PRIMA1: variants seen among roughly 807,000 people sequenced by gnomAD.
PRIMA1 encodes proline-rich membrane anchor 1.
PRIMA1 carries 7 observed loss-of-function variants against 17.5 expected under a neutral mutation model. The ratio of observed to expected loss-of-function variants is 0.40; its 90% CI spans 0.23 to 0.75. PRIMA1 has a LOEUF of 0.75. Ranked by LOEUF, PRIMA1 falls within the 30% of genes least tolerant of loss-of-function variation. The pLI is 0.37. For missense variants in PRIMA1, 200 were observed against 201.8 expected (o/e 0.99, Z 0.05); for synonymous variants, 97 against 77.9 (o/e 1.25, Z -1.29).
At chr14:93,737,963 G>A (rs2076161963) in intron 3 of PRIMA1, among the ~76,000 whole-genome samples, 1 of 152,226 alleles carries the variant, frequency 6.6e-6, no homozygotes, top group South Asian at 2.1e-4. Flanking sequence ...TGGGGAGCGG[G>A]GCTCACAGGG....
chr14:93,728,090 C>T (rs1036043755), intron 4 of PRIMA1, among the ~76,000 whole-genome samples: 2 of 152,204 alleles, frequency 1.3e-5, no homozygotes, highest in African/African-American at 2.4e-5. Context: ...CCCCCTCCCC[C>T]GGACTCCCCA....
At chr14:93,751,056 T>C (rs1405201647) in intron 3 of PRIMA1, among the ~76,000 whole-genome samples, 2 of 152,340 alleles carry the variant, frequency 1.3e-5, no homozygotes, top group South Asian at 2.1e-4. Context: ...CAACATTCCC[T>C]GGAAGGCTCG....
chr14:93,750,914 T>A (rs2076255445), intron 3 of PRIMA1, among the ~76,000 whole-genome samples: 1 of 152,074 alleles, frequency 6.6e-6, no homozygotes, highest in Non-Finnish European at 1.5e-5. Context: ...GACAATGTGG[T>A]CAGAAAGCAA....
chr14:93,771,995 C>T (rs567701563), intron 3 of PRIMA1, among the ~76,000 whole-genome samples: 1 of 152,322 alleles, frequency 6.6e-6, no homozygotes, highest in Admixed American at 6.5e-5. Flanking sequence ...CCTCTCTGAA[C>T]CTCTGAGCTC....
intron 4 of PRIMA1, among the ~76,000 whole-genome samples, chr14:93,735,545 TGGA>T (rs1416181733): frequency 6.6e-6 from 1 of 152,128 alleles, no homozygotes; most frequent in Non-Finnish European, 1.5e-5. Flanking sequence ...CACAGCCTCA[TGGA>T]GCAGCCTGTA....
chr14:93,759,502 C>T (rs1017061171), intron 3 of PRIMA1, among the ~76,000 whole-genome samples: 20 of 151,758 alleles, frequency 1.3e-4, no homozygotes, highest in African/African-American at 4.4e-4. Flanking sequence ...TGCATGTGTG[C>T]GTGTGCATGT....
At chr14:93,767,477 T>A (rs183467379) in intron 3 of PRIMA1, among the ~76,000 whole-genome samples, 5 of 151,784 alleles carry the variant, frequency 3.3e-5, no homozygotes, top group Admixed American at 6.6e-5. Context: ...AACCAGGGAG[T>A]GGGGCCTTGG....
chr14:93,766,109 C>T lies in PRIMA1; in HGVS notation c.229+13067G>A, dbSNP rs572353742. 5.3e-5 allele frequency among the ~76,000 whole-genome samples: 8 copies of T among 152,296 alleles called. No homozygotes were observed. In the East Asian group the frequency reaches 1.5e-3, roughly 29 times the overall value. On this transcript the variant is annotated intron_variant, in intron 3 of 4. Transcript: ENST00000393140. ...AGGCCACTTACACAAGGCACAGTGGCTGTAGATTTTTTTAAAGACCAGTTT... is the reference window on the plus strand; with the variant it reads ...AGGCCACTTACACAAGGCACAGTGGTTGTAGATTTTTTTAAAGACCAGTTT...
At chr14:93,746,984 G>A (rs1248463299) in intron 3 of PRIMA1, among the ~76,000 whole-genome samples, 4 of 152,174 alleles carry the variant, frequency 2.6e-5, no homozygotes, top group Non-Finnish European at 4.4e-5. Context: ...CACACACCAC[G>A]GGAGACAGTG....
chr14:93,729,807 G>A (rs1018056965), intron 4 of PRIMA1, among the ~76,000 whole-genome samples: 6 of 152,154 alleles, frequency 3.9e-5, no homozygotes, highest in Admixed American at 2.6e-4. Flanking sequence ...GAGAGAGGCT[G>A]TGCTATTCCG....
rs2076074744 is a variant in PRIMA1 at position 93,726,195 on chromosome 14, A to G, written c.360-4649T>C. Among the ~76,000 whole-genome samples, 1 of 152,140 alleles carries G rather than the reference A, an allele frequency of 6.6e-6. No individual in the cohort carries two copies. The highest frequency in any genetic ancestry group is 2.4e-5 in the African/African-American group (1 of 41,430). The stretch of plus-strand genomic sequence containing the variant: ...CCAGCCGCACATGCCAGCAGCCACG[A>G]GGGGCCCCTGCAGAAACTGTGCCTC... On this transcript the variant is annotated intron_variant, in intron 4 of 4. Transcript: ENST00000393140. The surrounding 1 kb of genome is among the most constrained non-coding windows in gnomAD (Gnocchi z 4.2).
At chr14:93,728,730 T>G (rs2076095569) in intron 4 of PRIMA1, among the ~76,000 whole-genome samples, 1 of 152,074 alleles carries the variant, frequency 6.6e-6, no homozygotes, top group Non-Finnish European at 1.5e-5. Flanking sequence ...GGGTCTCCCA[T>G]CAGCTGGCCC....
intron 2 of PRIMA1, among the ~76,000 whole-genome samples, chr14:93,779,966 C>A (rs1009589195): frequency 1.3e-5 from 2 of 152,182 alleles, no homozygotes; most frequent in Admixed American, 6.5e-5. Flanking sequence ...TCCATCCCCC[C>A]AGAAAGACCC....
intron 4 of PRIMA1, among the ~76,000 whole-genome samples, chr14:93,725,472 C>A (rs2076069189): frequency 6.6e-6 from 1 of 152,168 alleles, no homozygotes; most frequent in Middle Eastern, 3.2e-3. Context: ...CCCAACTCCA[C>A]CCCTCCATCA....
chr14:93,779,135 A>G (rs988695472), intron 3 of PRIMA1, 41 bp downstream of exon 3: 1 of 1,412,890 alleles, frequency 7.1e-7, no homozygotes, highest in African/African-American at 1.5e-5. Flanking sequence ...GCCTAGGAAA[A>G]CACAAAGAGA....
intron 3 of PRIMA1, among the ~76,000 whole-genome samples, chr14:93,738,213 C>T (rs2076163581): frequency 6.6e-6 from 1 of 152,144 alleles, no homozygotes; most frequent in Non-Finnish European, 1.5e-5. Context: ...TGGGGTGAAC[C>T]TGTCCTCCCT....
At chr14:93,772,945 T>A (rs1885111650) in intron 3 of PRIMA1, among the ~76,000 whole-genome samples, 12 of 152,216 alleles carry the variant, frequency 7.9e-5, no homozygotes, top group Admixed American at 7.9e-4. Flanking sequence ...TTATTGCGTG[T>A]TAACTGGGTT....
At chr14:93,733,821 G>A (rs187319721) in intron 4 of PRIMA1, among the ~76,000 whole-genome samples, 49 of 152,304 alleles carry the variant, frequency 3.2e-4, no homozygotes, top group Middle Eastern at 6.8e-3. Context: ...CCTCCACTTC[G>A]CTGGAGAGAA....
intron 3 of PRIMA1, among the ~76,000 whole-genome samples, chr14:93,769,821 C>T (rs1047598425): frequency 3.3e-5 from 5 of 152,104 alleles, no homozygotes; most frequent in African/African-American, 7.2e-5. Context: ...TGGATTCTTG[C>T]GAATGTCCCA....
Sources: allele counts gnomAD v4.1 joint callset (sites outside exome capture counted in the v4.1 genomes callset), GRCh38; gene constraint gnomAD v4.1.1; non-coding constraint Gnocchi (gnomAD v3.1); transcripts MANE v1.5; gene names NCBI Gene and HGNC (gene_info 2026-07-23, HGNC 2026-07-21).